EYS: variants seen among roughly 807,000 people sequenced by gnomAD.
EYS encodes the protein EGF-like photoreceptor maintenance factor.
A neutral mutation model predicts 282.1 loss-of-function variants in EYS; 250 were observed. That is an observed-to-expected ratio of 0.89 (90% CI 0.80 to 0.98). The LOEUF (loss-of-function observed/expected upper bound fraction) is 0.98, where lower values mean the gene tolerates loss of function less well. EYS is among the 50% of genes least tolerant of loss of function. The pLI, the probability that EYS is intolerant of heterozygous loss-of-function variation, is 0.00. For missense variants in EYS, 4,016 were observed against 3,709.0 expected (o/e 1.08, Z -2.15); for synonymous variants, 1,355 against 1,282.9 (o/e 1.06, Z -1.20).
At chr6:63,919,622 G>T (rs1396363142) in intron 35 of EYS, among the ~76,000 whole-genome samples, 2 of 152,198 alleles carry the variant, frequency 1.3e-5, no homozygotes, top group African/African-American at 4.8e-5. Flanking sequence ...ACTGGGGGAA[G>T]GTTTGGCAAT....
chr6:64,945,829 T>C lies in EYS; in HGVS notation c.2345A>G (p.Asn782Ser). 1.3e-6 allele frequency: 2 copies of C among 1,550,118 alleles called. No individual in the cohort carries two copies. The highest frequency in any genetic ancestry group is 1.7e-6 in the Non-Finnish European group (2 of 1,145,988). ...SNECKMNPCK[N>S]NSTCTDLYKS... ...GTAAAGGTCAGTACAGGTGGAATTG[T>C]TCTTGCAAGGATTCATTTTACACTC... The change falls in exon 15 of 43, where the codon AAC becomes AGC. Residue 782 changes from asparagine to serine, a missense_variant. Asn to Ser is a conservative substitution (Grantham distance 46). Coordinates refer to ENST00000503581, the MANE Select transcript of EYS (RefSeq NM_001142800.2).
At chr6:64,942,901 G>A (rs1277779179) in intron 15 of EYS, among the ~76,000 whole-genome samples, 2 of 148,490 alleles carry the variant, frequency 1.3e-5, no homozygotes, top group African/African-American at 5.0e-5. Context: ...GTATTATCGA[G>A]ATACCAAAAC....
intron 41 of EYS, among the ~76,000 whole-genome samples, chr6:63,752,494 C>CTTTT (rs11421916): frequency 5.3e-5 from 7 of 132,046 alleles, no homozygotes; most frequent in African/African-American, 1.7e-4. Context: ...TGTTTAATTT[C>CTTTT]TTTTTTTTTT....
intron 5 of EYS, among the ~76,000 whole-genome samples, chr6:65,428,503 A>T (rs901693040): frequency 1.4e-5 from 2 of 147,138 alleles, no homozygotes; most frequent in Admixed American, 6.8e-5. Context: ...CTGTCATTAA[A>T]CTCATTTTTT....
At chr6:65,271,128 T>TTATATATATAATATATATATA (rs1767888534) in intron 12 of EYS, among the ~76,000 whole-genome samples, 1 of 55,788 alleles carries the variant, frequency 1.8e-5, no homozygotes, top group Non-Finnish European at 3.7e-5. Context: ...AATCAATAGA[T>TTATATATATAATATATATATA]TATATATATA....
At chr6:65,653,186 G>GT (rs1204789019) in intron 1 of EYS, among the ~76,000 whole-genome samples, 1 of 151,804 alleles carries the variant, frequency 6.6e-6, no homozygotes, top group African/African-American at 2.4e-5. Flanking sequence ...TTTTATCTGT[G>GT]CCTACCTTTG....
rs1773838240 is a variant in EYS at position 64,780,904 on chromosome 6, T to C, written c.3443+32474A>G. On this transcript the variant is annotated intron_variant, in intron 22 of 42. Transcript: ENST00000503581. Reference sequence around the variant, plus strand: ...TCACAGGCAAAGGAATGAATGTGTATATATGCTTCTCAAATAACAGTCTAA... The same window carrying C: ...TCACAGGCAAAGGAATGAATGTGTACATATGCTTCTCAAATAACAGTCTAA... Among the ~76,000 whole-genome samples the C allele has an allele frequency of 2.6e-5, 4 of 152,228 alleles. No individual in the cohort carries two copies. The South Asian group carries it at 6.2e-4, about 24-fold the overall frequency.
chr6:64,208,196 G>C (rs771067823), intron 31 of EYS, among the ~76,000 whole-genome samples: 3 of 152,156 alleles, frequency 2.0e-5, no homozygotes, highest in Non-Finnish European at 2.9e-5. Context: ...TGAGAATTCT[G>C]TGTCATTCCT....
intron 28 of EYS, among the ~76,000 whole-genome samples, chr6:64,393,951 A>G (rs950303146): frequency 6.6e-6 from 1 of 152,048 alleles, no homozygotes; most frequent in Non-Finnish European, 1.5e-5. Flanking sequence ...ATACAAAATC[A>G]ATGTACAAAA....
At chr6:64,144,776 T>G (rs1488967481) in intron 31 of EYS, among the ~76,000 whole-genome samples, 4 of 152,118 alleles carry the variant, frequency 2.6e-5, no homozygotes, top group African/African-American at 9.7e-5. Flanking sequence ...GTGAAACACA[T>G]ATGGTCCCAT....
intron 8 of EYS, among the ~76,000 whole-genome samples, chr6:65,378,288 T>G (rs1413224375): frequency 6.6e-6 from 1 of 152,058 alleles, no homozygotes; most frequent in Non-Finnish European, 1.5e-5. Flanking sequence ...GAAAAAAAGC[T>G]CATCATCACT....
At chr6:65,280,719 T>C (rs1189684627) in intron 12 of EYS, among the ~76,000 whole-genome samples, 2 of 151,774 alleles carry the variant, frequency 1.3e-5, no homozygotes, top group African/African-American at 4.8e-5. Context: ...ATCTGATACA[T>C]AGAAATAATA....
At chr6:64,369,258 A>G (rs1582660940) in intron 29 of EYS, among the ~76,000 whole-genome samples, 1 of 151,984 alleles carries the variant, frequency 6.6e-6, no homozygotes, top group East Asian at 1.9e-4. Flanking sequence ...TGGGCTCTCG[A>G]TTTTGTTCCA....
intron 13 of EYS, among the ~76,000 whole-genome samples, chr6:65,047,833 G>A (rs1773147570): frequency 6.6e-6 from 1 of 151,918 alleles, no homozygotes; most frequent in Admixed American, 6.6e-5. Flanking sequence ...GGAGCTGAGT[G>A]GAGGTAGCTG....
At chr6:65,450,004 T>TTA (rs768872134) in intron 5 of EYS, among the ~76,000 whole-genome samples, 1 of 152,156 alleles carries the variant, frequency 6.6e-6, no homozygotes, top group Non-Finnish European at 1.5e-5. Context: ...TCAAAATAGT[T>TTA]TAGTGTGTAA....
chr6:65,491,307 AGCCTT>A, intron 4 of EYS: 1 of 253,814 alleles, frequency 3.9e-6, no homozygotes, highest in South Asian at 4.6e-5. Flanking sequence ...ACACACACAC[AGCCTT>A]CCATAACATA....
intron 2 of EYS, among the ~76,000 whole-genome samples, chr6:65,531,221 TC>T (rs772270402): frequency 3.3e-5 from 5 of 152,194 alleles, no homozygotes; most frequent in Admixed American, 6.5e-5. Context: ...ATTAATGTTC[TC>T]CCGGCAAGAG....
intron 22 of EYS, among the ~76,000 whole-genome samples, chr6:64,806,375 A>G (rs1021145150): frequency 6.6e-6 from 1 of 152,050 alleles, no homozygotes; most frequent in African/African-American, 2.4e-5. Flanking sequence ...ATCTAAGCAT[A>G]TAAGAAAATA....
At chr6:64,623,382 T>A (rs559442120) in intron 23 of EYS, among the ~76,000 whole-genome samples, 1 of 152,280 alleles carries the variant, frequency 6.6e-6, no homozygotes, top group South Asian at 2.1e-4. Context: ...GCTTTGCCAC[T>A]AACATGTTGT....
Sources: gnomAD v4.1 joint callset for allele counts (sites outside exome capture counted in the v4.1 genomes callset) on GRCh38, gnomAD v4.1.1 for gene constraint, MANE v1.5 for transcripts, NCBI Gene and HGNC (gene_info 2026-07-23, HGNC 2026-07-21) for gene names.